The following BANK1 variants were observed in gnomAD, a reference collection of about 807,000 sequenced individuals.
BANK1 encodes the protein B-cell scaffold protein with ankyrin repeats.
A neutral mutation model predicts 94.5 loss-of-function variants in BANK1; 95 were observed. The ratio of observed to expected loss-of-function variants is 1.00; its 90% CI spans 0.85 to 1.19. The LOEUF is 1.19. Among genes scored for constraint, BANK1 ranks in the 50% most tolerant of loss-of-function variants. BANK1 has a pLI of 0.00. For synonymous variants in BANK1, 334 were observed against 308.4 expected (o/e 1.08, Z -0.87); for missense variants, 987 against 932.2 (o/e 1.06, Z -0.77).
chr4:101,895,133 G>GT (rs1722016764), intron 5 of BANK1, among the ~76,000 whole-genome samples, 172 bp from the exon 6 acceptor site: 1 of 151,508 alleles, frequency 6.6e-6, no homozygotes. Flanking sequence ...TTAGTAATTG[G>GT]TTTTTAGGCA....
At chr4:101,870,903 A>C (rs1019125187) in intron 5 of BANK1, among the ~76,000 whole-genome samples, 23 of 152,048 alleles carry the variant, frequency 1.5e-4, no homozygotes, top group African/African-American at 5.6e-4. Flanking sequence ...GCTCATTTTA[A>C]AGCTGTTACA....
chr4:101,986,196 A>T (rs993861536), intron 7 of BANK1, among the ~76,000 whole-genome samples: 1 of 152,174 alleles, frequency 6.6e-6, no homozygotes, highest in African/African-American at 2.4e-5. Flanking sequence ...ATAAAGTGCT[A>T]TGGGACCTTT....
intron 1 of BANK1, among the ~76,000 whole-genome samples, chr4:101,795,061 A>AT (rs5860693): frequency 0.25 from 38,012 of 151,004 alleles, 5,025 homozygotes; most frequent in Non-Finnish European, 0.3. Context: ...TATATGCCTC[A>AT]TTTTTTTTTT....
At chr4:101,908,875 T>G (rs1722559830) in intron 6 of BANK1, among the ~76,000 whole-genome samples, 1 of 152,108 alleles carries the variant, frequency 6.6e-6, no homozygotes, top group African/African-American at 2.4e-5. Flanking sequence ...TCACACCAGT[T>G]AGAATGGTGA....
chr4:101,885,520 T>C (rs1334913548), intron 5 of BANK1, among the ~76,000 whole-genome samples: 1 of 152,202 alleles, frequency 6.6e-6, no homozygotes, highest in East Asian at 1.9e-4. Context: ...TTTCACCTAG[T>C]TAATTCTAAT....
chr4:101,853,989 CAG>C (rs1727589589), intron 2 of BANK1, among the ~76,000 whole-genome samples: 1 of 152,154 alleles, frequency 6.6e-6, no homozygotes, highest in African/African-American at 2.4e-5. Flanking sequence ...ATCATGGTGA[CAG>C]AGTGGCCTTG....
At chr4:102,004,834 C>T (rs1726194700) in intron 7 of BANK1, among the ~76,000 whole-genome samples, 1 of 152,010 alleles carries the variant, frequency 6.6e-6, no homozygotes, top group South Asian at 2.1e-4. Flanking sequence ...TATTATGTGC[C>T]TTTTGTCAGG....
chr4:101,976,902 G>A (rs1367215319), intron 7 of BANK1: 1 of 152,076 alleles, frequency 6.6e-6, no homozygotes, highest in Non-Finnish European at 1.5e-5. Context: ...TATTTTACAG[G>A]ATGCAGTATT....
In BANK1 at chr4:101,895,331, C is replaced by T. The variant is rs141871370; in HGVS notation, c.930C>T (p.Val310=). 2.4e-3 allele frequency: 3,762 copies of T among 1,591,678 alleles called. 13 individuals carry two copies. The highest frequency in any genetic ancestry group is 0.01 in the East Asian group (445 of 43,116). The part of the protein sequence containing the change: ...CQNSIEELDG[V]LTSIFKHEIP... ...ATAGCATTGAAGAACTTGATGGTGT[C>T]CTTACATCCATATTCAAACATGAGA... Residue 310 remains valine, a synonymous_variant, in exon 6 of 17, where the codon GTC becomes GTT. Coordinates refer to ENST00000322953, the MANE Select transcript of BANK1 (RefSeq NM_017935.5).
chr4:102,023,156 C>A (rs572508819), intron 8 of BANK1, among the ~76,000 whole-genome samples: 4 of 152,120 alleles, frequency 2.6e-5, no homozygotes, highest in African/African-American at 9.7e-5. Flanking sequence ...ATAGTCTATG[C>A]CCAATGAAAC....
Position 101,830,150 on chromosome 4 carries a change from CAACTG to C in BANK1, c.417_421del (p.Glu140GlyfsTer3). On this transcript the variant is annotated frameshift_variant, in exon 2 of 17. Coordinates refer to ENST00000322953, the MANE Select transcript of BANK1 (RefSeq NM_017935.5). LOFTEE classifies it high-confidence loss of function. ...ATCTCTCAAAGCAGATGGGAGATCTCAACTGAACAGGAACCTGAAGACTACATCTC... is the reference window on the plus strand; with the variant it reads ...ATCTCTCAAAGCAGATGGGAGATCTCAACAGGAACCTGAAGACTACATCTC... 6.2e-7 allele frequency: 1 copy of C among 1,604,742 alleles called. No individual in the cohort carries two copies.
intron 9 of BANK1, among the ~76,000 whole-genome samples, chr4:102,027,525 A>G (rs1727144107): frequency 6.6e-6 from 1 of 152,088 alleles, no homozygotes; most frequent in African/African-American, 2.4e-5. Context: ...TTTTCTTAAA[A>G]ATGTTTTATT....
intron 6 of BANK1, among the ~76,000 whole-genome samples, chr4:101,900,410 CA>C (rs759703666): frequency 1.4e-4 from 21 of 152,236 alleles, no homozygotes; most frequent in Non-Finnish European, 2.4e-4. Context: ...TTACATAAGA[CA>C]AAATATTACT....
intron 5 of BANK1, among the ~76,000 whole-genome samples, chr4:101,894,264 T>C (rs1721985785): frequency 6.6e-6 from 1 of 152,052 alleles, no homozygotes; most frequent in Admixed American, 6.6e-5. Flanking sequence ...AGCTAAGAGC[T>C]TTGCACAATC....
intron 7 of BANK1, among the ~76,000 whole-genome samples, chr4:101,942,770 GTATCAT>G (rs1171510362): frequency 2.0e-5 from 3 of 151,642 alleles, no homozygotes; most frequent in African/African-American, 7.3e-5. Context: ...AAATAGCAAA[GTATCAT>G]TATAAATATT....
chr4:102,069,524 T>C (rs190044459), intron 13 of BANK1, among the ~76,000 whole-genome samples: 1 of 152,342 alleles, frequency 6.6e-6, no homozygotes, highest in East Asian at 1.9e-4. Flanking sequence ...TATGGGAATA[T>C]AAAGTGGAGT....
chr4:101,941,600 T>C (rs2148910271), intron 7 of BANK1, among the ~76,000 whole-genome samples: 1 of 151,860 alleles, frequency 6.6e-6, no homozygotes, highest in African/African-American at 2.4e-5. Context: ...ATGTGGGAGC[T>C]TTGTCCCAGA....
chr4:101,983,835 T>C lies in BANK1; in HGVS notation c.1207-37679T>C, dbSNP rs181825977. ...TTATTTACTTTCAATATTATTTTAA[T>C]TAATTTGTCAAAAAGTAATCCAAAT... On this transcript the variant is annotated intron_variant, in intron 7 of 16. Transcript: ENST00000322953. 8.7e-4 allele frequency among the ~76,000 whole-genome samples: 133 copies of C among 152,198 alleles called. 1 individual carries two copies. The highest frequency in any genetic ancestry group is 1.8e-4 in the Non-Finnish European group (12 of 67,954).
chr4:101,983,278 A>G (rs1392898917), intron 7 of BANK1, among the ~76,000 whole-genome samples: 1 of 152,114 alleles, frequency 6.6e-6, no homozygotes, highest in Non-Finnish European at 1.5e-5. Flanking sequence ...ATTATATGCT[A>G]GAGGAAAATG....
Sources: allele counts gnomAD v4.1 joint callset (sites outside exome capture counted in the v4.1 genomes callset), GRCh38; gene constraint gnomAD v4.1.1; transcripts MANE v1.5; gene names NCBI Gene and HGNC (gene_info 2026-07-23, HGNC 2026-07-21).